Variants in DIPK2B observed in about 807,000 individuals in gnomAD.
DIPK2B encodes the protein divergent protein kinase domain 2B.
A neutral mutation model predicts 22.2 loss-of-function variants in DIPK2B; 15 were observed. The observed-to-expected ratio is 0.68, with a 90% CI of 0.45 to 1.04. DIPK2B has a LOEUF of 1.04. Ranked by LOEUF, DIPK2B falls within the 50% of genes least tolerant of loss-of-function variation. The pLI, the probability that DIPK2B is intolerant of heterozygous loss-of-function variation, is 0.00. For synonymous variants in DIPK2B, 163 were observed against 153.2 expected, an observed-to-expected ratio of 1.06 and a Z score of -0.47; for missense variants, 345 against 348.3, an observed-to-expected ratio of 0.99 and a Z score of 0.08.
chrX:45,192,509 T>C (rs770085520), intron 1 of DIPK2B, among the ~76,000 whole-genome samples: 1 of 111,034 alleles, frequency 9.0e-6, no homozygotes, highest in Non-Finnish European at 1.9e-5. Flanking sequence ...CCCAAACTGC[T>C]TACCCTCTGA....
intron 2 of DIPK2B, among the ~76,000 whole-genome samples, chrX:45,161,018 A>C (rs1354608197): frequency 9.0e-6 from 1 of 111,606 alleles, no homozygotes; most frequent in Non-Finnish European, 1.9e-5. Flanking sequence ...ATGAGATATA[A>C]GTAAAAATTT....
chrX:45,167,314 G>T (rs1232834300), intron 2 of DIPK2B, among the ~76,000 whole-genome samples: 1 of 109,669 alleles, frequency 9.1e-6, no homozygotes, highest in Non-Finnish European at 1.9e-5. Flanking sequence ...AACATAGGGA[G>T]ACCATGTGTC....
chrX:45,195,411 T>G (rs1323055058), intron 1 of DIPK2B, among the ~76,000 whole-genome samples: 3 of 111,228 alleles, frequency 2.7e-5, no homozygotes, highest in Non-Finnish European at 1.9e-5. Flanking sequence ...AGGGTGGGGG[T>G]GTAGAGGAGA....
At position 45,151,617 on chromosome X, in the gene DIPK2B, C is replaced by G; in HGVS notation, c.*35G>C. The G allele has an allele frequency of 8.6e-7, 1 of 1,159,177 alleles. No homozygotes were observed. Among genetic ancestry groups the G allele is most frequent in the Non-Finnish European group, 1.2e-6 (1 of 857,644 alleles). ...CCGACTGGGAGAATGGAGAGCCAAG[C>G]GTGTTGTCCCCAAGGCCAGCTAGAC... On this transcript the variant is annotated 3_prime_UTR_variant, in exon 5 of 5. Coordinates refer to ENST00000398000, the MANE Select transcript of DIPK2B (RefSeq NM_176819.4).
chrX:45,175,718 T>TACAC lies in DIPK2B; in HGVS notation c.498+16032_498+16033insGTGT, dbSNP rs1455217329. ...ATACATACATATATGTGTGTATATG[T>TACAC]ACATATATGTATGTATACTTTATAC... On this transcript the variant is annotated intron_variant, in intron 2 of 4. Transcript: ENST00000398000. 1.4e-3 allele frequency among the ~76,000 whole-genome samples: 139 copies of TACAC among 101,735 alleles called. 2 individuals carry two copies. The highest frequency in any genetic ancestry group is 8.8e-4 in the Non-Finnish European group (44 of 49,928). 88.3% of individuals were successfully genotyped at this position (101,735 alleles called of 115,157 possible). A position where few individuals can be genotyped will look rare whatever the true frequency, so the allele number is the denominator to read the frequency against.
rs137900461 is a variant in DIPK2B, at chrX:45,180,714, C to T, written c.498+11037G>A. 4.3e-3 allele frequency among the ~76,000 whole-genome samples: 482 copies of T among 111,488 alleles called. 4 individuals are homozygous for T. The highest frequency in any genetic ancestry group is 0.015 in the African/African-American group (455 of 30,692). ...AGTTCCCTCTTATCCATGGGGCATA[C>T]GTTGCAAGACCTCCAGTGGATGCCT... On this transcript the variant is annotated intron_variant, in intron 2 of 4. Coordinates refer to ENST00000398000, the MANE Select transcript of DIPK2B (RefSeq NM_176819.4).
intron 2 of DIPK2B, among the ~76,000 whole-genome samples, chrX:45,170,971 T>C (rs12559613): frequency 0.35 from 38,363 of 110,538 alleles, 4,850 homozygotes; most frequent in Middle Eastern, 0.51. Flanking sequence ...GAGCAACACA[T>C]CCAGGTCTTT....
chrX:45,188,158 A>G (rs905657648), intron 2 of DIPK2B, among the ~76,000 whole-genome samples: 13 of 112,051 alleles, frequency 1.2e-4, no homozygotes, highest in Non-Finnish European at 2.4e-4. Context: ...TCCAAACAAG[A>G]AATTAGGACT....
intron 2 of DIPK2B, among the ~76,000 whole-genome samples, chrX:45,190,634 C>T (rs2047205722): frequency 8.9e-6 from 1 of 112,048 alleles, no homozygotes; most frequent in African/African-American, 3.3e-5. Context: ...GGAATGGAAG[C>T]TCTGTGTTAT....
chrX:45,195,796 AACC>A (rs1390187511), intron 1 of DIPK2B, among the ~76,000 whole-genome samples: 2 of 112,210 alleles, frequency 1.8e-5, no homozygotes, highest in African/African-American at 6.5e-5. Context: ...TCCTTGGATA[AACC>A]ACATTCTTTC....
At chrX:45,157,117 G>A (rs778543388) in intron 3 of DIPK2B, among the ~76,000 whole-genome samples, 1 of 110,639 alleles carries the variant, frequency 9.0e-6, no homozygotes, top group East Asian at 2.9e-4. Flanking sequence ...GGGGTCAGTC[G>A]GAGTGATTGG....
intron 2 of DIPK2B, among the ~76,000 whole-genome samples, chrX:45,180,006 T>C (rs185147984): frequency 6.3e-5 from 7 of 111,811 alleles, no homozygotes; most frequent in Non-Finnish European, 1.1e-4. Flanking sequence ...ACAATGCTTG[T>C]TCATTGCCCA....
At chrX:45,164,148 C>G (rs763123276) in intron 2 of DIPK2B, 1 of 1,159,715 alleles carries the variant, frequency 8.6e-7, no homozygotes, top group Admixed American at 2.5e-5. Flanking sequence ...AAGGCTAACA[C>G]TTTCTGGAAG....
chrX:45,153,203 A>G (rs1243938326), intron 4 of DIPK2B, among the ~76,000 whole-genome samples: 1 of 111,584 alleles, frequency 9.0e-6, no homozygotes, highest in Non-Finnish European at 1.9e-5. Flanking sequence ...TTGTCCTCTT[A>G]TTGGGCTCAG....
intron 2 of DIPK2B, 25 bp downstream of exon 2, chrX:45,191,726 C>T (rs776221665): frequency 1.7e-6 from 2 of 1,198,825 alleles, no homozygotes; most frequent in East Asian, 5.9e-5. Context: ...CCTTCACACC[C>T]CCTTCCCATG....
intron 1 of DIPK2B, among the ~76,000 whole-genome samples, chrX:45,195,620 C>T (rs2047235713): frequency 8.9e-6 from 1 of 112,043 alleles, no homozygotes; most frequent in Admixed American, 9.5e-5. Flanking sequence ...AGTTCATGCT[C>T]CTTAATTTAA....
chrX:45,163,424 G>A (rs1403485749), intron 2 of DIPK2B: 8 of 752,609 alleles, frequency 1.1e-5, no homozygotes, highest in Non-Finnish European at 1.3e-5. Flanking sequence ...AAAATGGACA[G>A]CAATGAAGAC....
chrX:45,166,565 C>T (rs966914450), intron 2 of DIPK2B, among the ~76,000 whole-genome samples: 2 of 111,581 alleles, frequency 1.8e-5, no homozygotes, highest in Admixed American at 9.5e-5. Context: ...CATTCACCAT[C>T]CTGTGCCCCG....
chrX:45,193,022 G>T (rs4314781), intron 1 of DIPK2B, among the ~76,000 whole-genome samples: 1 of 111,992 alleles, frequency 8.9e-6, no homozygotes, highest in African/African-American at 3.2e-5. Context: ...CAGGTGATCC[G>T]CCCGCCTCTA....
Sources: gnomAD v4.1 joint callset for allele counts (sites outside exome capture counted in the v4.1 genomes callset) on GRCh38, gnomAD v4.1.1 for gene constraint, MANE v1.5 for transcripts, NCBI Gene and HGNC (gene_info 2026-07-23, HGNC 2026-07-21) for gene names.